Variants in ZZZ3 observed in about 807,000 individuals in gnomAD.
The protein encoded by ZZZ3 is zinc finger ZZ-type containing 3, also known as ZZ-type zinc finger-containing protein 3.
ZZZ3 carries 22 observed loss-of-function variants against 95.2 expected under a neutral mutation model. The observed-to-expected ratio is 0.23, with a 90% confidence interval of 0.17 to 0.33. ZZZ3 has a LOEUF of 0.33. Ranked by LOEUF, ZZZ3 falls within the 10% of genes least tolerant of loss-of-function variation. The pLI, the probability that ZZZ3 is intolerant of heterozygous loss-of-function variation, is 1.00. For synonymous variants in ZZZ3, 335 were observed against 358.9 expected (o/e 0.93, Z 0.75); for missense variants, 885 against 1,066.5 (o/e 0.83, Z 2.37).
chr1:77,640,196 C>T lies in ZZZ3; in HGVS notation c.-205-594G>A, dbSNP rs117953203. 1.6e-3 allele frequency among the ~76,000 whole-genome samples: 247 copies of T among 152,110 alleles called. 1 individual carries two copies. Among genetic ancestry groups the T allele is most frequent in the African/African-American group, 4.9e-3 (204 of 41,504 alleles). ...AAGAACAAGAACAACAAGGATTTTC[C>T]GGTTTTAGTACCCAATTAGCCAGAC... On this transcript the variant is annotated intron_variant, in intron 3 of 14. Transcript: ENST00000370801.
chr1:77,665,671 T>C (rs1400878861), intron 1 of ZZZ3, among the ~76,000 whole-genome samples: 1 of 152,210 alleles, frequency 6.6e-6, no homozygotes, highest in Non-Finnish European at 1.5e-5. Context: ...CACTGTCTCA[T>C]TCATTAAATT....
chr1:77,604,733 TTC>T (rs1223943403), intron 5 of ZZZ3, among the ~76,000 whole-genome samples: 1 of 152,214 alleles, frequency 6.6e-6, no homozygotes, highest in African/African-American at 2.4e-5. Context: ...CTTAACCATA[TTC>T]TTTTTCCTTT....
chr1:77,681,334 A>G (rs1672736800), intron 1 of ZZZ3, among the ~76,000 whole-genome samples: 1 of 152,200 alleles, frequency 6.6e-6, no homozygotes, highest in African/African-American at 2.4e-5. Context: ...TGTAGTTTTA[A>G]AAAACAAACT....
At position 77,633,379 on chromosome 1, in the gene ZZZ3, G is replaced by T. The variant is rs1179484810; in HGVS notation, c.-25C>A. The stretch of plus-strand genomic sequence containing the variant: ...TACTATGGCAAGTCCCTACAATACG[G>T]TCATCATGATCCACTCATTGGGAAA... On this transcript the variant is annotated 5_prime_UTR_variant, in exon 5 of 15. Transcript: ENST00000370801. 6.4e-7 allele frequency: 1 copy of T among 1,550,390 alleles called. No individual in the cohort carries two copies. The highest frequency in any genetic ancestry group is 1.7e-4 in the Middle Eastern group (1 of 5,752).
At chr1:77,601,805 G>A (rs1664760121) in intron 5 of ZZZ3, among the ~76,000 whole-genome samples, 1 of 152,060 alleles carries the variant, frequency 6.6e-6, no homozygotes, top group Non-Finnish European at 1.5e-5. Context: ...TTATAGATTA[G>A]GAAACCAAAC....
intron 1 of ZZZ3, among the ~76,000 whole-genome samples, chr1:77,670,440 G>A (rs923730881): frequency 3.9e-5 from 6 of 151,952 alleles, no homozygotes; most frequent in Non-Finnish European, 7.4e-5. Flanking sequence ...TTTTGTTTTA[G>A]TAGAGATGGG....
chr1:77,614,823 A>C (rs1236647053), intron 5 of ZZZ3: 3 of 152,228 alleles, frequency 2.0e-5, no homozygotes, highest in African/African-American at 7.2e-5. Context: ...CAGATGTTAA[A>C]ATCTATTTCT....
chr1:77,616,962 A>G (rs1488040402), intron 5 of ZZZ3, among the ~76,000 whole-genome samples: 1 of 152,238 alleles, frequency 6.6e-6, no homozygotes, highest in Non-Finnish European at 1.5e-5. Flanking sequence ...ATGTTCTACT[A>G]TACTTAAATG....
chr1:77,631,709 A>G lies in ZZZ3; in HGVS notation c.1505+141T>C, dbSNP rs191344646. On this transcript the variant is annotated intron_variant, in intron 5 of 14. Coordinates refer to ENST00000370801, the MANE Select transcript of ZZZ3 (RefSeq NM_015534.6). ...TAAGTCTTTTTTTGGAGTTTTTCTAAGAGTTGAGAAAATCATATTAAACCT... is the reference window on the plus strand; with the variant it reads ...TAAGTCTTTTTTTGGAGTTTTTCTAGGAGTTGAGAAAATCATATTAAACCT... 2.0e-4 allele frequency: 124 copies of G among 627,152 alleles called. 1 individual carries two copies. The East Asian group carries it at 3.5e-3, about 18-fold the overall frequency. 38.8% of individuals were successfully genotyped at this position (627,152 alleles called of 1,614,324 possible).
chr1:77,583,000 G>A (rs1012585596), intron 6 of ZZZ3, among the ~76,000 whole-genome samples: 1 of 152,042 alleles, frequency 6.6e-6, no homozygotes, highest in African/African-American at 2.4e-5. Flanking sequence ...AGATACTCAG[G>A]AGGCTGAGGC....
intron 5 of ZZZ3, among the ~76,000 whole-genome samples, chr1:77,602,664 G>A (rs1468344024): frequency 1.5e-5 from 2 of 131,040 alleles, no homozygotes; most frequent in African/African-American, 5.7e-5. Flanking sequence ...GAAGTGCAAT[G>A]GCGTGATCAG....
In ZZZ3 at chr1:77,631,907, T is replaced by A; in HGVS notation, c.1448A>T (p.Asp483Val). The A allele has an allele frequency of 1.9e-6, 3 of 1,613,366 alleles. No homozygotes were observed. The highest frequency in any genetic ancestry group is 2.5e-6 in the Non-Finnish European group (3 of 1,179,602). The change falls in exon 5 of 15, where the codon GAT becomes GTT. Residue 483 changes from aspartate (D) to valine (V), a missense_variant. Physicochemically the swap from Asp to Val is radical, Grantham distance 152. Around this residue, in one of 5 missense-constraint regions of ZZZ3, gnomAD observed 556 missense variants for 652.9 expected, o/e 0.85. Coordinates refer to ENST00000370801, the MANE Select transcript of ZZZ3 (RefSeq NM_015534.6). ...TTCAAAGTAATAAACATCAGGATCA[T>A]CATCTTCCTCTTCTGTAATGTGCTG... ...ASQHITEEED[D>V]DPDVYYFESD...
intron 1 of ZZZ3, among the ~76,000 whole-genome samples, chr1:77,674,704 C>T (rs1006501157): frequency 2.0e-4 from 30 of 152,176 alleles, no homozygotes; most frequent in East Asian, 1.9e-4. Context: ...GTAATGTCAG[C>T]GCTTTCGGAG....
chr1:77,639,392 A>AG, intron 4 of ZZZ3, 57 bp downstream of exon 4: 2 of 1,414,648 alleles, frequency 1.4e-6, no homozygotes, highest in Admixed American at 3.0e-5. Context: ...CAAAAAAAAA[A>AG]AAGAAGAAGA....
At chr1:77,633,695 T>C (rs1668035619) in intron 4 of ZZZ3, among the ~76,000 whole-genome samples, 1 of 152,182 alleles carries the variant, frequency 6.6e-6, no homozygotes, top group African/African-American at 2.4e-5. Flanking sequence ...GGTGCTACTA[T>C]CATCCCTACT....
intron 1 of ZZZ3, among the ~76,000 whole-genome samples, chr1:77,680,900 C>A (rs1180668005): frequency 1.3e-5 from 2 of 152,050 alleles, no homozygotes. Flanking sequence ...TACTTTCTTT[C>A]TGTGCAAAGC....
At chr1:77,631,214 A>G (rs767659418) in intron 5 of ZZZ3, among the ~76,000 whole-genome samples, 11 of 152,196 alleles carry the variant, frequency 7.2e-5, no homozygotes, top group Non-Finnish European at 1.0e-4. Context: ...ATTTTAAGAT[A>G]GTCTTCCTTT....
intron 5 of ZZZ3, among the ~76,000 whole-genome samples, chr1:77,608,150 C>T (rs1665439544): frequency 6.6e-6 from 1 of 152,030 alleles, no homozygotes; most frequent in African/African-American, 2.4e-5. Flanking sequence ...TATCCAAGTA[C>T]AAGAAGGTTC....
In ZZZ3 at chr1:77,633,401, G is replaced by A; in HGVS notation, c.-47C>T. Reference sequence around the variant, plus strand: ...ACGGTCATCATGATCCACTCATTGGGAAACCTTCAAAAATGTAAACAAAAT... The same window carrying A: ...ACGGTCATCATGATCCACTCATTGGAAAACCTTCAAAAATGTAAACAAAAT... On this transcript the variant is annotated 5_prime_UTR_variant, in exon 5 of 15. Coordinates refer to ENST00000370801, the MANE Select transcript of ZZZ3 (RefSeq NM_015534.6). The A allele has an allele frequency of 6.6e-7, 1 of 1,522,522 alleles. No individual in the cohort carries two copies. The highest frequency in any genetic ancestry group is 8.8e-7 in the Non-Finnish European group (1 of 1,138,554). The allele number at this position is 1,522,522 out of a possible 1,614,324, so 94.3% of individuals were successfully genotyped here.
Sources: gnomAD v4.1 joint callset for allele counts (sites outside exome capture counted in the v4.1 genomes callset) on GRCh38, gnomAD v4.1.1 for gene constraint, gnomAD v4.1.1 regional missense constraint, MANE v1.5 for transcripts, NCBI Gene and HGNC (gene_info 2026-07-23, HGNC 2026-07-21) for gene names.